Variants in CCSER1 observed in about 807,000 individuals in gnomAD.
The protein encoded by CCSER1 is serine-rich coiled-coil domain-containing protein 1.
CCSER1 carries 41 observed loss-of-function variants against 82.0 expected under a neutral mutation model. That is an observed-to-expected ratio of 0.50 (90% CI 0.39 to 0.65). The LOEUF (loss-of-function observed/expected upper bound fraction) is 0.65. Ranked by LOEUF, CCSER1 falls within the 30% of genes least tolerant of loss-of-function variation. The pLI is 0.00. For missense variants in CCSER1, 1,119 were observed against 1,064.2 expected, an observed-to-expected ratio of 1.05 and a Z score of -0.72; for synonymous variants, 414 against 383.9, an observed-to-expected ratio of 1.08 and a Z score of -0.92.
chr4:90,994,675 C>A (rs1300015850), intron 9 of CCSER1, among the ~76,000 whole-genome samples: 2 of 152,136 alleles, frequency 1.3e-5, no homozygotes, highest in Non-Finnish European at 2.9e-5. Context: ...GTGATTGAAA[C>A]TAAGTCTGCC....
chr4:90,145,154 A>G (rs1725562319), intron 1 of CCSER1, among the ~76,000 whole-genome samples: 1 of 152,106 alleles, frequency 6.6e-6, no homozygotes. Flanking sequence ...TTTTTATGTT[A>G]CTTTCTACCT....
intron 3 of CCSER1, among the ~76,000 whole-genome samples, chr4:90,318,935 T>G (rs763197437): frequency 1.3e-5 from 2 of 152,152 alleles, no homozygotes; most frequent in Non-Finnish European, 2.9e-5. Context: ...TACAACAGAT[T>G]TAACCATTTT....
chr4:90,609,647 A>G (rs1785189955), intron 5 of CCSER1, among the ~76,000 whole-genome samples: 1 of 152,178 alleles, frequency 6.6e-6, no homozygotes, highest in South Asian at 2.1e-4. Flanking sequence ...CACAAATGTT[A>G]CCCAATTGAG....
intron 6 of CCSER1, among the ~76,000 whole-genome samples, chr4:90,722,082 A>G (rs1742776388): frequency 6.6e-6 from 1 of 151,752 alleles, no homozygotes; most frequent in Non-Finnish European, 1.5e-5. Context: ...GGAGACCTCA[A>G]TCTTTAAAGT....
intron 3 of CCSER1, among the ~76,000 whole-genome samples, chr4:90,366,756 T>C (rs1746357298): frequency 6.6e-6 from 1 of 151,828 alleles, no homozygotes; most frequent in South Asian, 2.1e-4. Flanking sequence ...AGGGACACAG[T>C]TCAGGAGATT....
At position 91,605,111 on chromosome 4, in the gene CCSER1, T is replaced by G. The variant is rs1764915305; in HGVS notation, c.*6054T>G. The G allele has an allele frequency of 6.6e-6, 1 of 152,158 alleles. No individual in the cohort carries two copies. Among genetic ancestry groups the G allele is most frequent in the Admixed American group, 6.5e-5 (1 of 15,270 alleles). The allele number at this position is 152,158 out of a possible 1,614,324, so 9.4% of individuals were successfully genotyped here. On this transcript the variant is annotated 3_prime_UTR_variant, in exon 11 of 11. Coordinates refer to ENST00000509176, the MANE Select transcript of CCSER1 (RefSeq NM_001145065.2). ...AAAATTACCCTGGAAATTAAAATTT[T>G]TAGCAATATTGAATACAGTAGTATA...
At chr4:90,479,870 A>C (rs907269161) in intron 5 of CCSER1, among the ~76,000 whole-genome samples, 4 of 152,252 alleles carry the variant, frequency 2.6e-5, no homozygotes, top group Non-Finnish European at 5.9e-5. Context: ...AGCATGATTT[A>C]TAATCCTTTG....
At chr4:90,938,375 G>A (rs1731208637) in intron 9 of CCSER1, among the ~76,000 whole-genome samples, 1 of 151,938 alleles carries the variant, frequency 6.6e-6, no homozygotes. Context: ...ATTAGAACTT[G>A]TTTTTGTACT....
intron 10 of CCSER1, among the ~76,000 whole-genome samples, chr4:91,272,533 C>T (rs945461425): frequency 6.6e-6 from 1 of 152,108 alleles, no homozygotes; most frequent in East Asian, 1.9e-4. Flanking sequence ...AAGATTTTCT[C>T]CCACTCTGTG....
At position 91,509,566 on chromosome 4, in the gene CCSER1, A is replaced by G. The variant is rs532103176; in HGVS notation, c.2218-89006A>G. Among the ~76,000 whole-genome samples, 16 of 152,186 alleles carry G rather than the reference A, an allele frequency of 1.1e-4. 1 individual carries two copies. The East Asian group carries it at 2.1e-3, about 20-fold the overall frequency. On this transcript the variant is annotated intron_variant, in intron 10 of 10. Coordinates refer to ENST00000509176, the MANE Select transcript of CCSER1 (RefSeq NM_001145065.2). ...ATCTACTATTGCTGAGTGGAGTGTT[A>G]TATAGATTTCTGTTGAATGTAGTTT...
chr4:90,129,951 T>C (rs975798756), intron 1 of CCSER1, among the ~76,000 whole-genome samples: 5 of 152,228 alleles, frequency 3.3e-5, no homozygotes, highest in African/African-American at 9.6e-5. Flanking sequence ...TGATGAACTG[T>C]ATTATTGCAA....
At chr4:91,174,379 G>A (rs34329948) in intron 10 of CCSER1, among the ~76,000 whole-genome samples, 1 of 151,880 alleles carries the variant, frequency 6.6e-6, no homozygotes, top group Non-Finnish European at 1.5e-5. Context: ...TGATGCAAGA[G>A]TATAATTATA....
intron 10 of CCSER1, among the ~76,000 whole-genome samples, chr4:91,387,353 C>T (rs1161958142): frequency 6.6e-6 from 1 of 151,786 alleles, no homozygotes; most frequent in Admixed American, 6.6e-5. Context: ...AGATTTTCAG[C>T]TATAATGTTT....
chr4:90,135,926 C>T (rs1723619423), intron 1 of CCSER1, among the ~76,000 whole-genome samples: 1 of 152,132 alleles, frequency 6.6e-6, no homozygotes, highest in Non-Finnish European at 1.5e-5. Flanking sequence ...ACTTGGAATT[C>T]TGTATCTTAT....
intron 4 of CCSER1, among the ~76,000 whole-genome samples, chr4:90,416,245 G>T (rs148253108): frequency 1.9e-4 from 29 of 152,214 alleles, no homozygotes; most frequent in African/African-American, 6.7e-4. Context: ...AAAATAGGTT[G>T]ATGGAAAGGA....
intron 1 of CCSER1, among the ~76,000 whole-genome samples, chr4:90,138,728 G>A (rs1194424199): frequency 6.6e-6 from 1 of 151,638 alleles, no homozygotes; most frequent in Non-Finnish European, 1.5e-5. Context: ...TTTACTTTAA[G>A]TTCTAGGGTA....
chr4:91,392,419 C>A (rs929987714), intron 10 of CCSER1, among the ~76,000 whole-genome samples: 2 of 149,040 alleles, frequency 1.3e-5, no homozygotes, highest in African/African-American at 4.9e-5. Context: ...AATGTATTTT[C>A]TTTTGTGATT....
intron 8 of CCSER1, among the ~76,000 whole-genome samples, chr4:90,913,652 A>T (rs1227343970): frequency 6.6e-6 from 1 of 152,292 alleles, no homozygotes; most frequent in African/African-American, 2.4e-5. Context: ...TATTAACCTT[A>T]AATGTAAATG....
intron 10 of CCSER1, among the ~76,000 whole-genome samples, chr4:91,116,005 CT>C (rs769225570): frequency 6.6e-5 from 10 of 151,822 alleles, no homozygotes; most frequent in African/African-American, 9.7e-5. Flanking sequence ...TCCCTCCCCC[CT>C]GTCCCCACCC....
Sources: allele counts gnomAD v4.1 joint callset (sites outside exome capture counted in the v4.1 genomes callset), GRCh38; gene constraint gnomAD v4.1.1; transcripts MANE v1.5; gene names NCBI Gene and HGNC (gene_info 2026-07-23, HGNC 2026-07-21).